The following MTMR9 variants were observed in gnomAD, a reference collection of about 807,000 sequenced individuals.
MTMR9 encodes the protein myotubularin-related protein 9.
MTMR9 carries 39 observed loss-of-function variants against 69.5 expected under a neutral mutation model. The ratio of observed to expected loss-of-function variants is 0.56; its 90% CI spans 0.43 to 0.73. MTMR9 has a LOEUF of 0.73. Ranked by LOEUF, MTMR9 falls within the 30% of genes least tolerant of loss-of-function variation. MTMR9 has a pLI of 0.00. For synonymous variants in MTMR9, 354 were observed against 240.8 expected (o/e 1.47, Z -4.35); for missense variants, 900 against 671.2 (o/e 1.34, Z -3.77).
downstream of MTMR9, chr8:11,332,314 A>C: frequency 9.7e-7 from 1 of 1,032,110 alleles, no homozygotes; most frequent in Non-Finnish European, 1.3e-6. Flanking sequence ...CATGCAAACA[A>C]ATGAGAAATC....
chr8:11,294,338 C>T (rs928652578), intron 1 of MTMR9, among the ~76,000 whole-genome samples: 3 of 152,060 alleles, frequency 2.0e-5, no homozygotes, highest in African/African-American at 4.8e-5. Flanking sequence ...AATCCTTCAC[C>T]GTTAAGTGTG....
At chr8:11,311,271 A>G (rs1185802863) in intron 6 of MTMR9, among the ~76,000 whole-genome samples, 3 of 152,208 alleles carry the variant, frequency 2.0e-5, no homozygotes, top group Non-Finnish European at 4.4e-5. Flanking sequence ...AAAGAATTCA[A>G]CAGAAGACAA....
At chr8:11,333,138 G>A (rs7815802), downstream of MTMR9, among the ~76,000 whole-genome samples, 1 of 151,914 alleles carries the variant, frequency 6.6e-6, no homozygotes, top group Non-Finnish European at 1.5e-5. Flanking sequence ...AGACATAAGT[G>A]TACAAATCCA....
chr8:11,329,589 T>G (rs1259755363), downstream of MTMR9, among the ~76,000 whole-genome samples: 12 of 152,252 alleles, frequency 7.9e-5, no homozygotes, highest in African/African-American at 2.7e-4. Context: ...GTGCCGGGAT[T>G]GTAGACGGAG....
At chr8:11,316,617 GCT>G (rs899077391) in intron 7 of MTMR9, 54 bp from the exon 8 acceptor site, 16 of 1,174,136 alleles carry the variant, frequency 1.4e-5, no homozygotes, top group Non-Finnish European at 1.7e-5. Context: ...TCGGTAGAAT[GCT>G]CTGTCATGTG....
At chr8:11,299,278 C>T (rs987221272) in intron 2 of MTMR9, among the ~76,000 whole-genome samples, 6 of 152,088 alleles carry the variant, frequency 3.9e-5, no homozygotes, top group South Asian at 2.1e-4. Flanking sequence ...TGCAGTGAGC[C>T]GAGATCGCGC....
intron 5 of MTMR9, among the ~76,000 whole-genome samples, chr8:11,308,795 G>C (rs543707093): frequency 1.3e-5 from 2 of 152,016 alleles, no homozygotes; most frequent in South Asian, 4.2e-4. Context: ...CTTTCTTTTT[G>C]AACAGCCAGC....
intron 7 of MTMR9, 193 bp from the exon 8 acceptor site, chr8:11,316,480 G>C (rs978304970): frequency 2.3e-6 from 1 of 432,642 alleles, no homozygotes; most frequent in Non-Finnish European, 4.0e-6. Flanking sequence ...ATTTGGAAGT[G>C]TGTCTTTTTC....
At position 11,327,973 on chromosome 8, in the gene MTMR9, G is replaced by A. The variant is rs751547601; in HGVS notation, c.*5185G>A. 2 of 152,182 alleles carry A rather than the reference G, an allele frequency of 1.3e-5. No individual in the cohort carries two copies. Among genetic ancestry groups the A allele is most frequent in the African/African-American group, 2.4e-5 (1 of 41,436 alleles). The allele number at this position is 152,182 out of a possible 1,614,324, so 9.4% of individuals were successfully genotyped here. On this transcript the variant is annotated 3_prime_UTR_variant, in exon 10 of 10. Coordinates refer to ENST00000221086, the MANE Select transcript of MTMR9 (RefSeq NM_015458.4). ...CACCTTGGGTTGGCCGGTTTGTCAA[G>A]CTTGGTTTACTGAATCAAGAAAGAG... is the stretch of plus-strand genomic sequence containing the variant.
chr8:11,313,890 T>C (rs1226668424), intron 6 of MTMR9, among the ~76,000 whole-genome samples: 1 of 152,198 alleles, frequency 6.6e-6, no homozygotes, highest in Admixed American at 6.5e-5. Context: ...AAGTAAAACA[T>C]GCTGTTGGAA....
chr8:11,322,649 C>A lies in MTMR9; in HGVS notation c.1511C>A (p.Ser504Tyr), dbSNP rs761468777. The A allele has an allele frequency of 1.9e-6, 3 of 1,613,582 alleles. No individual in the cohort carries two copies. The highest frequency in any genetic ancestry group is 2.2e-5 in the East Asian group (1 of 44,862). The change falls in exon 10 of 10, where the codon TCC (serine) becomes TAC (tyrosine). Residue 504 changes from serine to tyrosine, a missense_variant. Transcript: ENST00000221086. ...WEGIFLRWNR[S>Y]SKYLDEAYEE... is the part of the protein sequence containing the mutation. ...GGTATTTTCCTACGTTGGAATAGAT[C>A]CTCTAAGTATTTGGATGAAGCATAT... is the stretch of plus-strand genomic sequence containing the variant.
downstream of MTMR9, among the ~76,000 whole-genome samples, chr8:11,332,607 C>CT (rs34322790): frequency 0.41 from 60,456 of 148,872 alleles, 13,675 homozygotes; most frequent in East Asian, 0.73. Flanking sequence ...TTGTTTTTTG[C>CT]TTTTTTTTTT....
In MTMR9 at chr8:11,327,586, A is replaced by G. The variant is rs537442928; in HGVS notation, c.*4798A>G. On this transcript the variant is annotated 3_prime_UTR_variant, in exon 10 of 10. Coordinates refer to ENST00000221086, the MANE Select transcript of MTMR9 (RefSeq NM_015458.4). ...TACCATCTACACAAAAAAATGTTGT[A>G]GTTGCAGAACTTAGTTTATAAAAAC... 1.3e-5 allele frequency: 2 copies of G among 152,796 alleles called. No homozygotes were observed. The highest frequency in any genetic ancestry group is 4.1e-4 in the South Asian group (2 of 4,832). The allele number at this position is 152,796 out of a possible 1,614,324, so 9.5% of individuals were successfully genotyped here. A position where few individuals can be genotyped will look rare whatever the true frequency, so the allele number is the denominator to read the frequency against.
intron 2 of MTMR9, among the ~76,000 whole-genome samples, chr8:11,295,951 A>C (rs1050921378): frequency 1.3e-5 from 2 of 152,194 alleles, no homozygotes; most frequent in African/African-American, 4.8e-5. Context: ...TGAGTTAACC[A>C]GTGCACTGTT....
chr8:11,337,393 G>A, the MTMR9 span, among the ~76,000 whole-genome samples: 6 of 152,166 alleles, frequency 3.9e-5, no homozygotes, highest in African/African-American at 7.2e-5. Flanking sequence ...ATATCTTAAC[G>A]TTCTCCAGAC....
At position 11,325,358 on chromosome 8, in the gene MTMR9, A is replaced by ACACT. The variant is rs551951069; in HGVS notation, c.*2572_*2575dup. The ACACT allele has an allele frequency of 6.6e-6, 1 of 152,326 alleles. No homozygotes were observed. Among genetic ancestry groups the ACACT allele is most frequent in the African/African-American group, 2.4e-5 (1 of 41,576 alleles). 9.4% of individuals were successfully genotyped at this position (152,326 alleles called of 1,614,324 possible). A position where few individuals can be genotyped will look rare whatever the true frequency, so the allele number is the denominator to read the frequency against. On this transcript the variant is annotated 3_prime_UTR_variant, in exon 10 of 10. Coordinates refer to ENST00000221086, the MANE Select transcript of MTMR9 (RefSeq NM_015458.4). ...ATGACACGGATACACTCCTGAGAAG[A>ACACT]CACTCGTTAAACATTGCATCGGAGA... is the stretch of plus-strand genomic sequence containing the variant.
chr8:11,304,885 C>G lies in MTMR9; in HGVS notation c.462C>G (p.Val154=). Residue 154 remains valine, a synonymous_variant, in exon 4 of 10, where the codon GTC becomes GTG. Transcript: ENST00000221086. The stretch of plus-strand genomic sequence containing the variant: ...GCTATGTCAATAAGGAATTTGCTGT[C>G]TGTCCCTCTTACCCACCAATTGTCA... ...RLSYVNKEFA[V]CPSYPPIVTV... is the part of the protein sequence containing the mutation. The G allele has an allele frequency of 1.9e-6, 3 of 1,614,120 alleles. No homozygotes were observed. The highest frequency in any genetic ancestry group is 2.5e-6 in the Non-Finnish European group (3 of 1,179,966).
At chr8:11,329,327 C>T (rs1801094780), downstream of MTMR9, among the ~76,000 whole-genome samples, 1 of 152,212 alleles carries the variant, frequency 6.6e-6, no homozygotes, top group Non-Finnish European at 1.5e-5. Flanking sequence ...CAGGAGTTCC[C>T]TCTCCCTCTC....
the MTMR9 span, among the ~76,000 whole-genome samples, chr8:11,339,200 T>C: frequency 6.6e-6 from 1 of 152,236 alleles, no homozygotes; most frequent in African/African-American, 2.4e-5. Flanking sequence ...TCTATTATAA[T>C]CTTAATTAAG....
Sources: allele counts gnomAD v4.1 joint callset (sites outside exome capture counted in the v4.1 genomes callset), GRCh38; gene constraint gnomAD v4.1.1; transcripts MANE v1.5; gene names NCBI Gene and HGNC (gene_info 2026-07-23, HGNC 2026-07-21).